KALRN: variants seen among roughly 807,000 people sequenced by gnomAD.
KALRN encodes the protein kalirin.
KALRN carries 70 observed loss-of-function variants against 353.7 expected under a neutral mutation model. The ratio of observed to expected loss-of-function variants is 0.20; its 90% CI spans 0.16 to 0.24. The LOEUF (loss-of-function observed/expected upper bound fraction) is 0.24, where lower values mean the gene tolerates loss of function less well. Ranked by LOEUF, KALRN falls within the 10% of genes least tolerant of loss-of-function variation. The probability of loss-of-function intolerance (pLI) is 1.00; values close to 1 mark genes in which losing one functional copy is unlikely to be tolerated. For synonymous variants in KALRN, 1,391 were observed against 1,434.8 expected, an observed-to-expected ratio of 0.97 and a Z score of 0.69; for missense variants, 2,791 against 3,756.7, an observed-to-expected ratio of 0.74 and a Z score of 6.72.
At chr3:124,650,587 T>C (rs1308395379) in intron 37 of KALRN, among the ~76,000 whole-genome samples, 1 of 152,214 alleles carries the variant, frequency 6.6e-6, no homozygotes, top group Non-Finnish European at 1.5e-5. Context: ...TGGCAGCACA[T>C]AGATGCCAAG....
Position 124,633,932 on chromosome 3 carries a change from C to T in KALRN, c.5547C>T (p.Asn1849=), listed in dbSNP as rs371623469. 8.4e-5 allele frequency: 136 copies of T among 1,613,892 alleles called. 2 individuals carry two copies. Among genetic ancestry groups the T allele is most frequent in the Middle Eastern group, 8.2e-4 (5 of 6,062 alleles). Residue 1849 remains asparagine (N), a synonymous_variant, in exon 36 of 60, where the codon AAC becomes AAT. Transcript: ENST00000682506. ...PLPPPMKIFD[N]DPTQDEMSSS... The stretch of plus-strand genomic sequence containing the variant: ...CACCACCTATGAAGATTTTTGACAA[C>T]GACCCTACACAGGATGAAATGGTAG...
At chr3:124,568,241 A>G (rs558526285) in intron 34 of KALRN, among the ~76,000 whole-genome samples, 2 of 152,270 alleles carry the variant, frequency 1.3e-5, no homozygotes, top group South Asian at 2.1e-4. Context: ...CAATAAGTAC[A>G]TGAAAAGATA....
At chr3:124,558,322 G>A (rs562448593) in intron 33 of KALRN, among the ~76,000 whole-genome samples, 1 of 152,098 alleles carries the variant, frequency 6.6e-6, no homozygotes, top group African/African-American at 2.4e-5. Context: ...GTGACTCCCA[G>A]GCTGGAGTGC....
At chr3:124,517,936 CAAAT>C (rs768878609) in intron 33 of KALRN, among the ~76,000 whole-genome samples, 14 of 152,166 alleles carry the variant, frequency 9.2e-5, no homozygotes, top group Admixed American at 2.0e-4. Context: ...AACAAGAAAA[CAAAT>C]AAAGGATATG....
At chr3:124,423,007 G>A (rs1185117662) in intron 15 of KALRN, 29 bp downstream of exon 15, 2 of 1,606,864 alleles carry the variant, frequency 1.2e-6, no homozygotes, top group African/African-American at 2.7e-5. Context: ...CCTTCAGCCT[G>A]GGTTTCTCAG....
At chr3:124,607,996 ATC>A (rs2077531664) in intron 34 of KALRN, among the ~76,000 whole-genome samples, 1 of 147,366 alleles carries the variant, frequency 6.8e-6, no homozygotes, top group South Asian at 2.2e-4. Context: ...CAAATTTATA[ATC>A]TCTCTTTTTT....
At chr3:124,166,713 A>G (rs1011144761) in intron 1 of KALRN, among the ~76,000 whole-genome samples, 1 of 152,142 alleles carries the variant, frequency 6.6e-6, no homozygotes, top group Non-Finnish European at 1.5e-5. Flanking sequence ...CTCTGAGCCA[A>G]TGTGAGAGGA....
intron 34 of KALRN, among the ~76,000 whole-genome samples, chr3:124,588,786 T>A (rs1446134926): frequency 6.6e-6 from 1 of 152,214 alleles, no homozygotes; most frequent in African/African-American, 2.4e-5. Flanking sequence ...AAAGTCCCCT[T>A]TTGAAAGCTT....
intron 25 of KALRN, among the ~76,000 whole-genome samples, chr3:124,465,773 T>C (rs1472228709): frequency 6.6e-6 from 1 of 152,186 alleles, no homozygotes; most frequent in Non-Finnish European, 1.5e-5. Flanking sequence ...TTCTAGTGCA[T>C]AGCTCAGGTT....
intron 10 of KALRN, among the ~76,000 whole-genome samples, chr3:124,370,661 A>G (rs1014094061): frequency 8.5e-5 from 13 of 152,282 alleles, no homozygotes; most frequent in East Asian, 1.9e-4. Context: ...TTCTTTTACA[A>G]TTCTTCAAAG....
chr3:124,232,807 T>C (rs1034679826), intron 2 of KALRN, among the ~76,000 whole-genome samples: 1 of 152,062 alleles, frequency 6.6e-6, no homozygotes, highest in Non-Finnish European at 1.5e-5. Context: ...ATTTATTATA[T>C]GATTTGAAAG....
At chr3:124,177,376 C>A (rs967212710) in intron 1 of KALRN, among the ~76,000 whole-genome samples, 3 of 152,198 alleles carry the variant, frequency 2.0e-5, no homozygotes, top group Non-Finnish European at 4.4e-5. Context: ...TTTAGCTCCC[C>A]AAATCAATCT....
At chr3:124,303,581 A>C (rs1176919269) in intron 6 of KALRN, among the ~76,000 whole-genome samples, 1 of 152,242 alleles carries the variant, frequency 6.6e-6, no homozygotes, top group East Asian at 1.9e-4. Flanking sequence ...GCAGGAGTAC[A>C]TGCAAACGTA....
At chr3:124,605,763 A>G (rs919316311) in intron 34 of KALRN, among the ~76,000 whole-genome samples, 12 of 152,082 alleles carry the variant, frequency 7.9e-5, no homozygotes, top group African/African-American at 2.7e-4. Context: ...GGTGTCATAT[A>G]TCTAATAAAT....
At chr3:124,557,928 C>A (rs1399578889) in intron 33 of KALRN, among the ~76,000 whole-genome samples, 2 of 152,148 alleles carry the variant, frequency 1.3e-5, no homozygotes, top group African/African-American at 4.8e-5. Flanking sequence ...CACATGGAAG[C>A]TTCCTGGAAA....
chr3:124,647,076 T>G (rs2082847870), intron 37 of KALRN, among the ~76,000 whole-genome samples: 1 of 152,110 alleles, frequency 6.6e-6, no homozygotes, highest in Admixed American at 6.6e-5. Flanking sequence ...TAATTTTAAT[T>G]TTTTTATTTA....
intron 6 of KALRN, among the ~76,000 whole-genome samples, chr3:124,322,699 G>T (rs1159136639): frequency 6.6e-6 from 1 of 152,172 alleles, no homozygotes; most frequent in Non-Finnish European, 1.5e-5. Flanking sequence ...TAATGAGTAA[G>T]CACTCCTATT....
intron 1 of KALRN, among the ~76,000 whole-genome samples, chr3:124,221,946 C>T (rs1202624967): frequency 6.6e-6 from 1 of 152,148 alleles, no homozygotes; most frequent in African/African-American, 2.4e-5. Flanking sequence ...CAGAGCTCCC[C>T]AGGTGGGCGC....
At chr3:124,331,748 G>A (rs1240993772) in intron 8 of KALRN, among the ~76,000 whole-genome samples, 5 of 152,206 alleles carry the variant, frequency 3.3e-5, no homozygotes, top group Admixed American at 6.5e-5. Context: ...TATGTGAGGT[G>A]TGGGTGTAAT....
Sources: gnomAD v4.1 joint callset for allele counts (sites outside exome capture counted in the v4.1 genomes callset) on GRCh38, gnomAD v4.1.1 for gene constraint, MANE v1.5 for transcripts, NCBI Gene and HGNC (gene_info 2026-07-23, HGNC 2026-07-21) for gene names.